RBM20: variants seen among roughly 807,000 people sequenced by gnomAD.
The protein encoded by RBM20 is RNA binding motif protein 20, also known as RNA-binding protein 20.
RBM20 carries 51 observed loss-of-function variants against 110.1 expected under a neutral mutation model. That is an observed-to-expected ratio of 0.46 (90% CI 0.37 to 0.59). The LOEUF (loss-of-function observed/expected upper bound fraction) is 0.59. RBM20 is among the 20% of genes least tolerant of loss of function. The pLI is 0.00. For missense variants in RBM20, 1,512 were observed against 1,574.9 expected, an observed-to-expected ratio of 0.96 and a Z score of 0.68; for synonymous variants, 589 against 618.2, an observed-to-expected ratio of 0.95 and a Z score of 0.70.
Position 110,837,497 on chromosome 10 carries a change from A to T in RBM20, c.*1519A>T, listed in dbSNP as rs1042104691. 2 of 152,218 alleles carry T rather than the reference A, an allele frequency of 1.3e-5. No homozygotes were observed. Among genetic ancestry groups the T allele is most frequent in the Non-Finnish European group, 2.9e-5 (2 of 68,054 alleles). 9.4% of individuals were successfully genotyped at this position (152,218 alleles called of 1,614,324 possible). On this transcript the variant is annotated 3_prime_UTR_variant, in exon 14 of 14. Coordinates refer to ENST00000369519, the MANE Select transcript of RBM20 (RefSeq NM_001134363.3). ...CAAGGAAGACAGGTCACTCTCCCCT[A>T]GGCAGTTCCTGTTGTTTCTGTTCCT...
rs1036962118 is a variant in RBM20, at chr10:110,739,920, G to A, written c.192-40881G>A. 3.3e-5 allele frequency among the ~76,000 whole-genome samples: 5 copies of A among 152,212 alleles called. No homozygotes were observed. Among genetic ancestry groups the A allele is most frequent in the Admixed American group, 6.5e-5 (1 of 15,280 alleles). On this transcript the variant is annotated intron_variant, in intron 1 of 13. Transcript: ENST00000369519. This position sits in a 1 kb window ranked among gnomAD's most constrained non-coding sequence, Gnocchi z 4.1. Reference sequence around the variant, plus strand: ...CGGCCCTGCCCGTCTGGGTCCTCCTGCCCTCACTGGGTGTTCCCAGCCCCA... The same window carrying A: ...CGGCCCTGCCCGTCTGGGTCCTCCTACCCTCACTGGGTGTTCCCAGCCCCA...
At chr10:110,826,896 C>T (rs1379095283) in intron 12 of RBM20, among the ~76,000 whole-genome samples, 1 of 152,136 alleles carries the variant, frequency 6.6e-6, no homozygotes, top group Non-Finnish European at 1.5e-5. Context: ...CCCGGCCAGT[C>T]TGTTTCTTTT....
chr10:110,790,382 A>G (rs1255095593), intron 5 of RBM20, among the ~76,000 whole-genome samples: 1 of 152,250 alleles, frequency 6.6e-6, no homozygotes, highest in Non-Finnish European at 1.5e-5. Flanking sequence ...CAAAGAGAGC[A>G]AAGAGGAGGA....
intron 12 of RBM20, among the ~76,000 whole-genome samples, chr10:110,826,125 C>T (rs535359921): frequency 6.6e-6 from 1 of 152,174 alleles, no homozygotes; most frequent in South Asian, 2.1e-4. Context: ...AAGATGGTAT[C>T]AGTTTTCCCT....
chr10:110,646,755 G>A (rs1270586148), intron 1 of RBM20, among the ~76,000 whole-genome samples: 1 of 152,172 alleles, frequency 6.6e-6, no homozygotes, highest in Non-Finnish European at 1.5e-5. Context: ...AAGTCCATCT[G>A]AGCAAACATT....
chr10:110,791,921 C>T (rs752160575), intron 5 of RBM20, among the ~76,000 whole-genome samples: 3 of 152,202 alleles, frequency 2.0e-5, no homozygotes, highest in Non-Finnish European at 1.5e-5. Flanking sequence ...GGCTCCTTGG[C>T]ACTCAGCAGA....
chr10:110,747,885 A>C (rs371793220), intron 1 of RBM20, among the ~76,000 whole-genome samples: 6 of 104,208 alleles, frequency 5.8e-5, no homozygotes, highest in Admixed American at 1.9e-4. Context: ...TTTCTTTCTG[A>C]AAGAGAAAAC....
intron 1 of RBM20, among the ~76,000 whole-genome samples, chr10:110,719,856 C>T (rs953198357): frequency 3.3e-5 from 5 of 152,088 alleles, no homozygotes; most frequent in South Asian, 2.1e-4. Context: ...CTTCTCCCAC[C>T]TCTGTCTTAT....
chr10:110,818,832 C>A (rs888343296), intron 9 of RBM20, among the ~76,000 whole-genome samples: 1 of 152,206 alleles, frequency 6.6e-6, no homozygotes, highest in Non-Finnish European at 1.5e-5. Context: ...AAAATAAAGT[C>A]ACCTGTTGGT....
chr10:110,663,114 A>G (rs1263529331), intron 1 of RBM20, among the ~76,000 whole-genome samples: 2 of 151,964 alleles, frequency 1.3e-5, no homozygotes, highest in African/African-American at 2.4e-5. Context: ...ACTGATGCAC[A>G]CTGCCACACC....
Position 110,838,740 on chromosome 10 carries a change from G to C in RBM20, c.*2762G>C, listed in dbSNP as rs1564671219. ...GTGATAGACTGGCCTTCATATTGGA[G>C]AGCTAGGGAGAGCCCCTGGGAGGGA... is the stretch of plus-strand genomic sequence containing the variant. On this transcript the variant is annotated 3_prime_UTR_variant, in exon 14 of 14. Coordinates refer to ENST00000369519, the MANE Select transcript of RBM20 (RefSeq NM_001134363.3). 1 of 151,570 alleles carries C rather than the reference G, an allele frequency of 6.6e-6. No homozygotes were observed. Among genetic ancestry groups the C allele is most frequent in the South Asian group, 2.1e-4 (1 of 4,802 alleles). The allele number at this position is 151,570 out of a possible 1,614,324, so 9.4% of individuals were successfully genotyped here.
chr10:110,795,887 A>G (rs1844543921), intron 5 of RBM20, among the ~76,000 whole-genome samples: 1 of 152,226 alleles, frequency 6.6e-6, no homozygotes, highest in African/African-American at 2.4e-5. Flanking sequence ...TGTGTTCCTT[A>G]GAGGTGCCTT....
At chr10:110,767,337 G>A (rs1844112707) in intron 1 of RBM20, among the ~76,000 whole-genome samples, 1 of 145,882 alleles carries the variant, frequency 6.9e-6, no homozygotes, top group African/African-American at 2.5e-5. Context: ...AGCCGGGTGG[G>A]GGGCTGACCC....
chr10:110,814,350 C>T (rs1289921688), intron 9 of RBM20, among the ~76,000 whole-genome samples: 1 of 150,690 alleles, frequency 6.6e-6, no homozygotes, highest in African/African-American at 2.5e-5. Flanking sequence ...AATTTGTATA[C>T]AATGGGACTC....
intron 12 of RBM20, among the ~76,000 whole-genome samples, chr10:110,827,089 G>A (rs1318794512): frequency 6.6e-6 from 1 of 152,134 alleles, no homozygotes; most frequent in African/African-American, 2.4e-5. Context: ...TATGGTATGA[G>A]GTTCTGCATT....
At chr10:110,742,941 G>C (rs1201435574) in intron 1 of RBM20, among the ~76,000 whole-genome samples, 1 of 152,180 alleles carries the variant, frequency 6.6e-6, no homozygotes, top group Admixed American at 6.5e-5. Context: ...GCTGAGCATG[G>C]ACCTGGGAGA....
intron 7 of RBM20, among the ~76,000 whole-genome samples, chr10:110,809,456 C>T (rs1025962464): frequency 6.6e-6 from 1 of 152,032 alleles, no homozygotes; most frequent in African/African-American, 2.4e-5. Flanking sequence ...CAGGAAGATG[C>T]TCCTGTTGCC....
intron 1 of RBM20, among the ~76,000 whole-genome samples, chr10:110,669,209 T>G (rs2134837537): frequency 6.6e-6 from 1 of 150,886 alleles, no homozygotes; most frequent in East Asian, 1.9e-4. Flanking sequence ...ACGGTGAGCT[T>G]GCTTATGGCT....
chr10:110,734,238 C>T (rs144629141), intron 1 of RBM20, among the ~76,000 whole-genome samples: 221 of 152,226 alleles, frequency 1.5e-3, no homozygotes, highest in African/African-American at 4.9e-3. Flanking sequence ...GAAACTGATT[C>T]GTGCTTCCTT....
Sources: gnomAD v4.1 joint callset for allele counts (sites outside exome capture counted in the v4.1 genomes callset) on GRCh38, gnomAD v4.1.1 for gene constraint, Gnocchi (gnomAD v3.1) non-coding constraint, MANE v1.5 for transcripts, NCBI Gene and HGNC (gene_info 2026-07-23, HGNC 2026-07-21) for gene names.